Variants in AKNAD1 observed in about 807,000 individuals in gnomAD.
AKNAD1 encodes protein AKNAD1.
AKNAD1 carries 67 observed loss-of-function variants against 90.8 expected under a neutral mutation model. The observed-to-expected ratio is 0.74, with a 90% CI of 0.61 to 0.90. The LOEUF is 0.90. Among genes scored for constraint, AKNAD1 ranks in the 40% least tolerant of loss-of-function variants. The pLI, the probability that AKNAD1 is intolerant of heterozygous loss-of-function variation, is 0.00. For synonymous variants in AKNAD1, 327 were observed against 341.4 expected (o/e 0.96, Z 0.46); for missense variants, 957 against 975.4 (o/e 0.98, Z 0.25).
chr1:108,830,865 A>AGTCGGGGCTGCGCCTCTAATG (rs1553202050), intron 9 of AKNAD1: 4 of 593,688 alleles, frequency 6.7e-6, no homozygotes, highest in Non-Finnish European at 1.2e-5. Flanking sequence ...TGTGTCACTC[A>AGTCGGGGCTGCGCCTCTAATG]GTCGGGGCTG....
chr1:108,816,917 A>G (rs1486975437), intron 15 of AKNAD1, 131 bp downstream of exon 15: 10 of 1,093,718 alleles, frequency 9.1e-6, no homozygotes, highest in Non-Finnish European at 1.3e-5. Context: ...AGTTCTGAGC[A>G]CAAAATTGTC....
chr1:108,842,833 T>TGGAGA (rs1664589512), intron 6 of AKNAD1, among the ~76,000 whole-genome samples: 1 of 152,158 alleles, frequency 6.6e-6, no homozygotes, highest in East Asian at 1.9e-4. Flanking sequence ...CCTCTGGGTC[T>TGGAGA]CCAAACCAAT....
chr1:108,843,101 C>T (rs1382901042), intron 6 of AKNAD1, 33 bp downstream of exon 6: 1 of 1,609,784 alleles, frequency 6.2e-7, no homozygotes, highest in East Asian at 2.2e-5. Flanking sequence ...CACCTTTGAC[C>T]CTTCCACCTT....
At chr1:108,835,178 C>G (rs141888782) in intron 7 of AKNAD1, 122 bp from the exon 8 acceptor site, 178 of 1,098,954 alleles carry the variant, frequency 1.6e-4, no homozygotes, top group African/African-American at 1.5e-3. Context: ...GGCGTCCCCC[C>G]ACCCCTGTCT....
intron 14 of AKNAD1, 134 bp downstream of exon 14, chr1:108,820,411 T>C (rs1663773875): frequency 3.4e-6 from 2 of 595,016 alleles, no homozygotes; most frequent in East Asian, 5.5e-5. Context: ...ATTAGATAGG[T>C]TTAGGTTTGA....
At chr1:108,825,090 G>A (rs1464345782) in intron 11 of AKNAD1, among the ~76,000 whole-genome samples, 12 of 151,500 alleles carry the variant, frequency 7.9e-5, no homozygotes, top group Admixed American at 6.6e-4. Flanking sequence ...TCAGGGAACT[G>A]AGACCTCCTG....
intron 9 of AKNAD1, among the ~76,000 whole-genome samples, chr1:108,831,720 G>GCCTCCCA (rs1557829868): frequency 3.3e-5 from 4 of 121,750 alleles, no homozygotes; most frequent in East Asian, 2.3e-4. Flanking sequence ...CTCAGCTCCC[G>GCCTCCCA]GGTTCAAGCA....
At position 108,852,330 on chromosome 1, in the gene AKNAD1, A is replaced by T. The variant is rs1664892986; in HGVS notation, c.335T>A (p.Ile112Asn). ...CTCTTTGGAAAGATGATGAAGTAAAATATCAGAAATGCTTGACTTAGAAGC... is the reference window on the plus strand; with the variant it reads ...CTCTTTGGAAAGATGATGAAGTAAATTATCAGAAATGCTTGACTTAGAAGC... ...GDASKSSISDILLHHLSKEPF... is the reference protein window; with the variant it reads ...GDASKSSISDNLLHHLSKEPF... Residue 112 changes from isoleucine to asparagine, a missense_variant, in exon 2 of 16, where the codon ATT becomes AAT. Ile to Asn is a moderately radical substitution (Grantham distance 149). Coordinates refer to ENST00000370001, the MANE Select transcript of AKNAD1 (RefSeq NM_152763.5). The T allele has an allele frequency of 1.2e-6, 2 of 1,614,030 alleles. No homozygotes were observed. Among genetic ancestry groups the T allele is most frequent in the African/African-American group, 1.3e-5 (1 of 74,912 alleles).
At chr1:108,827,353 A>G in intron 10 of AKNAD1, 51 bp from the exon 11 acceptor site, 1 of 1,357,770 alleles carries the variant, frequency 7.4e-7, no homozygotes, top group Non-Finnish European at 1.1e-6. Flanking sequence ...TTTCCAATAG[A>G]TAGGGAAAGT....
chr1:108,840,546 G>A (rs765541356), intron 6 of AKNAD1, among the ~76,000 whole-genome samples: 4 of 152,188 alleles, frequency 2.6e-5, no homozygotes, highest in Non-Finnish European at 5.9e-5. Flanking sequence ...TTAGTAACAT[G>A]AGTGTATAAG....
chr1:108,845,964 T>C (rs916720316), intron 5 of AKNAD1, among the ~76,000 whole-genome samples: 5 of 152,164 alleles, frequency 3.3e-5, no homozygotes, highest in African/African-American at 1.2e-4. Context: ...AATCACAAAT[T>C]ATAATTCAGG....
At chr1:108,817,675 G>A (rs1311286817) in intron 14 of AKNAD1, among the ~76,000 whole-genome samples, 1 of 150,722 alleles carries the variant, frequency 6.6e-6, no homozygotes, top group African/African-American at 2.4e-5. Context: ...CTAATTTTTT[G>A]TATTTTTTTT....
chr1:108,817,497 A>ATTTTTTTTTTTTTTTTTTTTTTTTTTT (rs10681740), intron 14 of AKNAD1: 1 of 60,334 alleles, frequency 1.7e-5, no homozygotes, highest in African/African-American at 6.8e-5. Flanking sequence ...TTTTTTTTTA[A>ATTTTTTTTTTTTTTTTTTTTTTTTTTT]TTTTTTTTTT....
At position 108,827,298 on chromosome 1, in the gene AKNAD1, G is replaced by A; in HGVS notation, c.1843C>T (p.Gln615Ter). Residue 615 changes from glutamine (Q) to a stop codon, truncating the protein, a stop_gained, in exon 11 of 16, where the codon CAA (glutamine) becomes TAA (stop). Coordinates refer to ENST00000370001, the MANE Select transcript of AKNAD1 (RefSeq NM_152763.5). LOFTEE classifies it high-confidence loss of function. Reference protein sequence around the residue: ...AFCRRLLEWKQNVEKKGHGRI... With the variant: ...AFCRRLLEWK ...CCGTGGCCCTTTTTCTCCACGTTTTGCTTCCTAAAAAAAGGTGCATAAGAT... is the reference window on the plus strand; with the variant it reads ...CCGTGGCCCTTTTTCTCCACGTTTTACTTCCTAAAAAAAGGTGCATAAGAT... 1.2e-6 allele frequency: 2 copies of A among 1,606,762 alleles called. No homozygotes were observed. Among genetic ancestry groups the A allele is most frequent in the Non-Finnish European group, 1.7e-6 (2 of 1,175,668 alleles).
At chr1:108,852,902 T>TGA in intron 1 of AKNAD1, 135 bp from the exon 2 acceptor site, 2 of 353,912 alleles carry the variant, frequency 5.7e-6, no homozygotes, top group Admixed American at 4.7e-5. Context: ...AACCACAAGC[T>TGA]GACCCAACCT....
At chr1:108,838,347 AT>A (rs1228066879) in intron 6 of AKNAD1, among the ~76,000 whole-genome samples, 8 of 150,518 alleles carry the variant, frequency 5.3e-5, no homozygotes, top group African/African-American at 2.0e-4. Flanking sequence ...ACCCTGTTTA[AT>A]TAGAAATTTT....
At chr1:108,832,554 G>A (rs1664244167) in intron 9 of AKNAD1, among the ~76,000 whole-genome samples, 1 of 152,102 alleles carries the variant, frequency 6.6e-6, no homozygotes, top group East Asian at 1.9e-4. Flanking sequence ...CCACAGTTCT[G>A]CTCCTTGGGG....
At chr1:108,832,192 C>A (rs1419105693) in intron 9 of AKNAD1, among the ~76,000 whole-genome samples, 1 of 145,636 alleles carries the variant, frequency 6.9e-6, no homozygotes, top group Non-Finnish European at 1.5e-5. Flanking sequence ...TTTTACCTAT[C>A]TGACTGGTAT....
intron 7 of AKNAD1, among the ~76,000 whole-genome samples, chr1:108,835,550 G>A (rs1664354891): frequency 6.6e-6 from 1 of 152,058 alleles, no homozygotes; most frequent in Non-Finnish European, 1.5e-5. Context: ...CAGGTAGTCT[G>A]GCTTCAGAGT....
Sources: gnomAD v4.1 joint callset for allele counts (sites outside exome capture counted in the v4.1 genomes callset) on GRCh38, gnomAD v4.1.1 for gene constraint, MANE v1.5 for transcripts, NCBI Gene and HGNC (gene_info 2026-07-23, HGNC 2026-07-21) for gene names.